SHROOM3: variants seen among roughly 807,000 people sequenced by gnomAD.
SHROOM3 encodes the protein protein Shroom3.
In SHROOM3, 47 loss-of-function variants were observed where a neutral mutation model predicts 138.6. The ratio of observed to expected loss-of-function variants is 0.34; its 90% CI spans 0.27 to 0.43. The LOEUF (loss-of-function observed/expected upper bound fraction) is 0.43, where lower values mean the gene tolerates loss of function less well. Among genes scored for constraint, SHROOM3 ranks in the 20% least tolerant of loss-of-function variants. SHROOM3 has a pLI of 1.00. For synonymous variants in SHROOM3, 1,062 were observed against 1,063.3 expected (o/e 1.00, Z 0.02); for missense variants, 2,491 against 2,596.5 (o/e 0.96, Z 0.88).
intron 1 of SHROOM3, among the ~76,000 whole-genome samples, chr4:76,539,544 C>G (rs941755436): frequency 1.3e-5 from 2 of 152,166 alleles, no homozygotes; most frequent in Admixed American, 1.3e-4. Context: ...CTGAAAGTAG[C>G]TAACATTTAT....
chr4:76,604,379 G>C (rs1455052302), intron 2 of SHROOM3, among the ~76,000 whole-genome samples: 3 of 152,158 alleles, frequency 2.0e-5, no homozygotes, highest in Non-Finnish European at 2.9e-5. Context: ...TCAAAATGCT[G>C]TACACAAACA....
intron 2 of SHROOM3, among the ~76,000 whole-genome samples, chr4:76,599,604 T>C (rs1734462281): frequency 6.6e-6 from 1 of 152,228 alleles, no homozygotes; most frequent in Admixed American, 6.5e-5. Flanking sequence ...CTCCCTGTGC[T>C]CATCATGACG....
chr4:76,749,155 C>G, intron 6 of SHROOM3, 65 bp downstream of exon 6: 1 of 1,415,068 alleles, frequency 7.1e-7, no homozygotes. Flanking sequence ...TACTCTTGTT[C>G]CTTTCTACAA....
intron 4 of SHROOM3, among the ~76,000 whole-genome samples, chr4:76,733,477 T>C (rs1243018461): frequency 6.6e-6 from 1 of 152,206 alleles, no homozygotes; most frequent in East Asian, 1.9e-4. Flanking sequence ...CTCAAAATGT[T>C]ACAGGCGTGT....
chr4:76,667,177 C>A (rs748447698), intron 2 of SHROOM3, among the ~76,000 whole-genome samples: 1 of 152,096 alleles, frequency 6.6e-6, no homozygotes, highest in East Asian at 1.9e-4. Context: ...TAAAAGAGTT[C>A]TGAGTACAAG....
chr4:76,604,165 A>G (rs1734569695), intron 2 of SHROOM3, among the ~76,000 whole-genome samples: 1 of 152,148 alleles, frequency 6.6e-6, no homozygotes, highest in Non-Finnish European at 1.5e-5. Context: ...CTCAGTCTTC[A>G]GGCAGCCAAG....
At chr4:76,457,638 C>T (rs1176513785) in intron 1 of SHROOM3, among the ~76,000 whole-genome samples, 20 of 151,570 alleles carry the variant, frequency 1.3e-4, no homozygotes, top group African/African-American at 4.6e-4. Flanking sequence ...ATTACAGGCA[C>T]GCACCACCAC....
At chr4:76,500,233 G>A (rs1194279579) in intron 1 of SHROOM3, among the ~76,000 whole-genome samples, 1 of 152,094 alleles carries the variant, frequency 6.6e-6, no homozygotes. Flanking sequence ...CTGTCAGCAT[G>A]CTCCCTTGGC....
intron 1 of SHROOM3, among the ~76,000 whole-genome samples, chr4:76,540,590 T>C (rs113567208): frequency 2.0e-5 from 3 of 152,178 alleles, no homozygotes; most frequent in Non-Finnish European, 2.9e-5. Context: ...TGGACACTCA[T>C]GAAACTTATC....
chr4:76,747,770 G>A (rs1333522896), intron 5 of SHROOM3, among the ~76,000 whole-genome samples: 2 of 152,148 alleles, frequency 1.3e-5, no homozygotes, highest in African/African-American at 2.4e-5. Flanking sequence ...ATATTTGAGT[G>A]AATCAGAACA....
At chr4:76,736,374 C>A (rs902410852) in intron 4 of SHROOM3, among the ~76,000 whole-genome samples, 1 of 152,178 alleles carries the variant, frequency 6.6e-6, no homozygotes, top group Non-Finnish European at 1.5e-5. Context: ...GCCATTCAGT[C>A]AACTGACTTT....
chr4:76,739,520 G>A lies in SHROOM3; in HGVS notation c.1347G>A (p.Lys449=). 1.2e-6 allele frequency: 2 copies of A among 1,614,104 alleles called. No individual in the cohort carries two copies. Among genetic ancestry groups the A allele is most frequent in the Middle Eastern group, 1.6e-4 (1 of 6,062 alleles). Residue 449 remains lysine, a synonymous_variant, in exon 5 of 11, where the codon AAG becomes AAA. Transcript: ENST00000296043. ...AGAACAGCCCCCCAGTGAAGCCCAA[G>A]CATAACTATACCCAGAAGGCCCAAC... The part of the protein sequence containing the change: ...SPENSPPVKP[K]HNYTQKAQPG...
intron 2 of SHROOM3, among the ~76,000 whole-genome samples, chr4:76,620,590 G>A (rs144126402): frequency 1.1e-3 from 165 of 152,300 alleles, no homozygotes; most frequent in African/African-American, 3.9e-3. Context: ...GGGAGTGTGT[G>A]GACACTGAGA....
At chr4:76,441,703 G>T (rs1174961967) in intron 1 of SHROOM3, among the ~76,000 whole-genome samples, 1 of 151,916 alleles carries the variant, frequency 6.6e-6, no homozygotes, top group Non-Finnish European at 1.5e-5. Context: ...CTCCCCAGTG[G>T]CTTTATTTTT....
intron 3 of SHROOM3, among the ~76,000 whole-genome samples, chr4:76,725,357 A>G (rs1345777943): frequency 6.6e-6 from 1 of 152,160 alleles, no homozygotes; most frequent in East Asian, 1.9e-4. Flanking sequence ...GAATTATTTC[A>G]TTTGCTCTTT....
intron 1 of SHROOM3, among the ~76,000 whole-genome samples, chr4:76,546,649 CGTCTT>C: frequency 6.6e-6 from 1 of 152,174 alleles, no homozygotes; most frequent in East Asian, 1.9e-4. Context: ...AGATTCTTGA[CGTCTT>C]TTGTTATCCA....
At chr4:76,742,024 A>C in intron 5 of SHROOM3, 98 bp downstream of exon 5, 1 of 1,467,230 alleles carries the variant, frequency 6.8e-7, no homozygotes, top group Non-Finnish European at 9.3e-7. Flanking sequence ...CCGCTCTCCC[A>C]GTTCAGTTTT....
At position 76,681,625 on chromosome 4, in the gene SHROOM3, G is replaced by A. The variant is rs6827074; in HGVS notation, c.324-28531G>A. 4.3e-4 allele frequency among the ~76,000 whole-genome samples: 51 copies of A among 117,914 alleles called. 1 individual carries two copies. Among genetic ancestry groups the A allele is most frequent in the African/African-American group, 1.5e-3 (43 of 28,318 alleles). 77.4% of individuals were successfully genotyped at this position (117,914 alleles called of 152,430 possible). A position where few individuals can be genotyped will look rare whatever the true frequency, so the allele number is the denominator to read the frequency against. On this transcript the variant is annotated intron_variant, in intron 2 of 10. Coordinates refer to ENST00000296043, the MANE Select transcript of SHROOM3 (RefSeq NM_020859.4). The stretch of plus-strand genomic sequence containing the variant: ...TGTGTGTGTGTGTGTGTGTGTGTGT[G>A]TGTGTGTGTATGTGTCTGGATGAGA...
At chr4:76,457,215 C>T (rs1412916441) in intron 1 of SHROOM3, among the ~76,000 whole-genome samples, 2 of 152,056 alleles carry the variant, frequency 1.3e-5, no homozygotes, top group African/African-American at 4.8e-5. Flanking sequence ...GTGGTTAGAT[C>T]ACAGGAATGG....
Sources: allele counts gnomAD v4.1 joint callset (sites outside exome capture counted in the v4.1 genomes callset), GRCh38; gene constraint gnomAD v4.1.1; transcripts MANE v1.5; gene names NCBI Gene and HGNC (gene_info 2026-07-23, HGNC 2026-07-21).